CSRNP3: variants seen among roughly 807,000 people sequenced by gnomAD.
CSRNP3 encodes the protein cysteine and serine rich nuclear protein 3.
In CSRNP3, 12 loss-of-function variants were observed where a neutral mutation model predicts 48.0. The ratio of observed to expected loss-of-function variants is 0.25; its 90% CI spans 0.16 to 0.41. CSRNP3 has a LOEUF of 0.41. CSRNP3 is among the 10% of genes least tolerant of loss of function. The pLI, the probability that CSRNP3 is intolerant of heterozygous loss-of-function variation, is 1.00. For missense variants in CSRNP3, 580 were observed against 724.4 expected (o/e 0.80, Z 2.29); for synonymous variants, 263 against 269.7 (o/e 0.98, Z 0.24).
chr2:165,514,694 A>G (rs1684552750), intron 2 of CSRNP3, among the ~76,000 whole-genome samples: 1 of 152,138 alleles, frequency 6.6e-6, no homozygotes, highest in African/African-American at 2.4e-5. Context: ...TGAATATGTC[A>G]TTCTTCCCAA....
rs527837766 is a variant in CSRNP3, at chr2:165,632,004, A to G, written c.149-25757A>G. ...AATACTATTAATATTTAGAGCATCA[A>G]CCTAACTCAAGACTTGTTTGCAGAA... On this transcript the variant is annotated intron_variant, in intron 4 of 6. Coordinates refer to ENST00000651982, the MANE Select transcript of CSRNP3 (RefSeq NM_001172173.2). Among the ~76,000 whole-genome samples, 89 of 152,372 alleles carry G rather than the reference A, an allele frequency of 5.8e-4. 4 individuals are homozygous for G. The South Asian group carries it at 0.018, about 31-fold the overall frequency.
At chr2:165,494,676 C>G (rs1684263098) in intron 1 of CSRNP3, 83 bp from the exon 2 acceptor site, 1 of 154,410 alleles carries the variant, frequency 6.5e-6, no homozygotes, top group Admixed American at 6.6e-5. Context: ...AAATTTACAG[C>G]CCCCCCAAAT....
chr2:165,560,368 T>C (rs965176154), intron 3 of CSRNP3, among the ~76,000 whole-genome samples: 2 of 152,200 alleles, frequency 1.3e-5, no homozygotes, highest in Non-Finnish European at 2.9e-5. Flanking sequence ...CATTAGCCTG[T>C]GTAGGAAGAG....
chr2:165,527,570 T>C (rs527589500), intron 3 of CSRNP3, among the ~76,000 whole-genome samples: 4 of 151,846 alleles, frequency 2.6e-5, no homozygotes, highest in Non-Finnish European at 5.9e-5. Context: ...TACACACATA[T>C]AAATATCACA....
chr2:165,497,134 G>A (rs1684293430), intron 2 of CSRNP3, among the ~76,000 whole-genome samples: 2 of 152,010 alleles, frequency 1.3e-5, no homozygotes, highest in South Asian at 2.1e-4. Context: ...ATTTTGACGT[G>A]TGGTTTTAAC....
intron 4 of CSRNP3, among the ~76,000 whole-genome samples, chr2:165,618,264 C>A (rs1180186084): frequency 6.6e-6 from 1 of 152,180 alleles, no homozygotes. Flanking sequence ...TGAGCCAGTC[C>A]TGGCTGGCTG....
At chr2:165,650,697 T>C (rs1686889547) in intron 4 of CSRNP3, among the ~76,000 whole-genome samples, 1 of 152,200 alleles carries the variant, frequency 6.6e-6, no homozygotes, top group Non-Finnish European at 1.5e-5. Context: ...CTGTATGATT[T>C]AAAAACACAA....
At chr2:165,543,675 G>T (rs1047932825) in intron 3 of CSRNP3, among the ~76,000 whole-genome samples, 1 of 151,980 alleles carries the variant, frequency 6.6e-6, no homozygotes. Context: ...ATTTTCATGG[G>T]CACATACTAA....
intron 3 of CSRNP3, among the ~76,000 whole-genome samples, chr2:165,540,563 C>T (rs535508136): frequency 6.6e-6 from 1 of 152,080 alleles, no homozygotes; most frequent in Non-Finnish European, 1.5e-5. Context: ...GTCAGCTTCT[C>T]TTCACTATTC....
intron 3 of CSRNP3, among the ~76,000 whole-genome samples, chr2:165,572,153 AT>A (rs1479153515): frequency 1.3e-5 from 2 of 151,954 alleles, no homozygotes; most frequent in African/African-American, 4.8e-5. Flanking sequence ...ATTTTCTATA[AT>A]AAAAAAAAAT....
intron 4 of CSRNP3, among the ~76,000 whole-genome samples, chr2:165,651,080 G>A (rs546953954): frequency 2.3e-4 from 35 of 152,270 alleles, no homozygotes; most frequent in African/African-American, 8.4e-4. Context: ...TCAAGCATTC[G>A]CTCCAGAGTT....
At chr2:165,471,314 ATTTTGT>A (rs1243538070) in intron 1 of CSRNP3, among the ~76,000 whole-genome samples, 19 of 152,072 alleles carry the variant, frequency 1.2e-4, no homozygotes, top group Admixed American at 7.9e-4. Flanking sequence ...GATCTTTCCG[ATTTTGT>A]TTTTTTAAGC....
chr2:165,532,659 A>G (rs535481665), intron 3 of CSRNP3, among the ~76,000 whole-genome samples: 1 of 152,140 alleles, frequency 6.6e-6, no homozygotes, highest in East Asian at 1.9e-4. Context: ...CAAGACAGGG[A>G]TGCCCTCTCT....
At chr2:165,618,491 T>C (rs1027332417) in intron 4 of CSRNP3, among the ~76,000 whole-genome samples, 5 of 152,262 alleles carry the variant, frequency 3.3e-5, no homozygotes, top group African/African-American at 9.6e-5. Flanking sequence ...AGTACTGTCA[T>C]TTAATTGGGC....
rs1687678246 is a variant in CSRNP3 at position 165,689,218 on chromosome 2, T to C, written c.*9465T>C. 6.6e-6 allele frequency: 1 copy of C among 152,204 alleles called. No homozygotes were observed. The highest frequency in any genetic ancestry group is 2.1e-4 in the South Asian group (1 of 4,836). 9.4% of individuals were successfully genotyped at this position (152,204 alleles called of 1,614,324 possible). On this transcript the variant is annotated 3_prime_UTR_variant, in exon 7 of 7. Transcript: ENST00000651982. Reference sequence around the variant, plus strand: ...TTTTCAGTATTTATTATGAATGACATGGAAATTCGTGTATTTATTGTGGCT... The same window carrying C: ...TTTTCAGTATTTATTATGAATGACACGGAAATTCGTGTATTTATTGTGGCT...
chr2:165,525,574 C>T (rs1684721710), intron 3 of CSRNP3, among the ~76,000 whole-genome samples: 2 of 151,198 alleles, frequency 1.3e-5, no homozygotes, highest in Admixed American at 6.6e-5. Context: ...GTAAACTCCA[C>T]CTCCTGGGTT....
Position 165,524,161 on chromosome 2 carries a change from C to T in CSRNP3, c.-24+6200C>T, listed in dbSNP as rs78859414. 3.5e-3 allele frequency among the ~76,000 whole-genome samples: 535 copies of T among 152,144 alleles called. 8 individuals are homozygous for T. The East Asian group carries it at 0.043, about 12-fold the overall frequency. On this transcript the variant is annotated intron_variant, in intron 3 of 6. Coordinates refer to ENST00000651982, the MANE Select transcript of CSRNP3 (RefSeq NM_001172173.2). ...AATGAAGAAGCTCTCCAAGGAAAGT[C>T]GATTAACAAACCCAGGTACACATAA...
chr2:165,558,147 A>G (rs535215883), intron 3 of CSRNP3, among the ~76,000 whole-genome samples: 71 of 152,132 alleles, frequency 4.7e-4, no homozygotes, highest in African/African-American at 1.4e-3. Context: ...TAAGGGGGGG[A>G]AAAAACTATT....
intron 3 of CSRNP3, among the ~76,000 whole-genome samples, chr2:165,546,142 AC>A (rs1404098606): frequency 1.3e-5 from 2 of 151,826 alleles, no homozygotes; most frequent in Non-Finnish European, 2.9e-5. Context: ...CATGCTCAAT[AC>A]CCTTCTTCAC....
Sources: allele counts gnomAD v4.1 joint callset (sites outside exome capture counted in the v4.1 genomes callset), GRCh38; gene constraint gnomAD v4.1.1; transcripts MANE v1.5; gene names NCBI Gene and HGNC (gene_info 2026-07-23, HGNC 2026-07-21).